COL7A1: variants seen among roughly 807,000 people sequenced by gnomAD.
The protein encoded by COL7A1 is collagen type VII alpha 1 chain, also known as collagen alpha-1(VII) chain.
In COL7A1, 296 loss-of-function variants were observed where a neutral mutation model predicts 456.2. The ratio of observed to expected loss-of-function variants is 0.65; its 90% CI spans 0.59 to 0.71. COL7A1 has a LOEUF of 0.71. Ranked by LOEUF, COL7A1 falls within the 30% of genes least tolerant of loss-of-function variation. The pLI is 0.00. For missense variants in COL7A1, 3,441 were observed against 4,017.2 expected, an observed-to-expected ratio of 0.86 and a Z score of 3.88; for synonymous variants, 1,464 against 1,525.9, an observed-to-expected ratio of 0.96 and a Z score of 0.95.
Position 48,593,475 on chromosome 3 carries a change from A to G in COL7A1, c.427-26T>C. ...CTGGGACAGGTGCAGGGGTCAAATC[A>G]CGGTTCCCCTGGACACTTCATTTGG... is the stretch of plus-strand genomic sequence containing the variant. On this transcript the variant is annotated intron_variant, in intron 4 of 118. Transcript: ENST00000681320. This position sits in a 1 kb window ranked among gnomAD's most constrained non-coding sequence, Gnocchi z 4.4. 6.2e-7 allele frequency: 1 copy of G among 1,614,050 alleles called. No homozygotes were observed. Among genetic ancestry groups the G allele is most frequent in the African/African-American group, 1.3e-5 (1 of 75,028 alleles).
At position 48,589,367 on chromosome 3, in the gene COL7A1, A is replaced by G; in HGVS notation, c.2274T>C (p.Ala758=). ...EYTVHVRAHV[A]GVDGPPASVV... is the part of the protein sequence containing the mutation. ...CAGAGGCAGGGGGCCCATCCACGCC[A>G]GCCACATGGGCCCTCACATGCACCG... Residue 758 remains alanine (A), a synonymous_variant, in exon 18 of 119, where the codon GCT becomes GCC. Transcript: ENST00000681320. 6.2e-7 allele frequency: 1 copy of G among 1,612,842 alleles called. No homozygotes were observed. Among genetic ancestry groups the G allele is most frequent in the Non-Finnish European group, 8.5e-7 (1 of 1,179,970 alleles).
chr3:48,593,316 C>T lies in COL7A1; in HGVS notation c.520+40G>A. 1 of 1,614,010 alleles carries T rather than the reference C, an allele frequency of 6.2e-7. No individual in the cohort carries two copies. The highest frequency in any genetic ancestry group is 8.5e-7 in the Non-Finnish European group (1 of 1,179,984). ...TCACCCACATGCTCTCTGACTGCCC[C>T]CACCCCCCAGCTGACCTGTCACTCC... On this transcript the variant is annotated intron_variant, in intron 5 of 118. Transcript: ENST00000681320. This position sits in a 1 kb window ranked among gnomAD's most constrained non-coding sequence, Gnocchi z 4.4.
In COL7A1 at chr3:48,583,056, A is replaced by G. The variant is rs2107723219; in HGVS notation, c.4483-8T>C. 6.2e-7 allele frequency: 1 copy of G among 1,613,922 alleles called. No homozygotes were observed. Among genetic ancestry groups the G allele is most frequent in the Non-Finnish European group, 8.5e-7 (1 of 1,179,964 alleles). On this transcript the variant is annotated splice_region_variant and splice_polypyrimidine_tract_variant and intron_variant, in intron 43 of 118. Coordinates refer to ENST00000681320, the MANE Select transcript of COL7A1 (RefSeq NM_000094.4). This position sits in a 1 kb window ranked among gnomAD's most constrained non-coding sequence, Gnocchi z 5.1. ...TGGGGGTCCACGTTCGCCCTGATGG[A>G]AAAGAAGAGGTCAGAGCTGAGTTGG...
Position 48,571,910 on chromosome 3 carries a change from T to C in COL7A1, c.7068+91A>G, listed in dbSNP as rs1365775404. The C allele has an allele frequency of 6.8e-7, 1 of 1,478,866 alleles. No homozygotes were observed. 91.6% of individuals were successfully genotyped at this position (1,478,866 alleles called of 1,614,324 possible). On this transcript the variant is annotated intron_variant, in intron 92 of 118. Coordinates refer to ENST00000681320, the MANE Select transcript of COL7A1 (RefSeq NM_000094.4). The surrounding 1 kb of genome is among the most constrained non-coding windows in gnomAD (Gnocchi z 4.6). The stretch of plus-strand genomic sequence containing the variant: ...GGGACATGCAGCCCGACTCAGGGGC[T>C]CAGACATGTGCCCCGGCCCAAGAGT...
rs774757776 is a variant in COL7A1, at chr3:48,564,445, G to C, written c.8819-23C>G. 28 of 1,613,678 alleles carry C rather than the reference G, an allele frequency of 1.7e-5. No homozygotes were observed. Among genetic ancestry groups the C allele is most frequent in the Non-Finnish European group, 2.3e-5 (27 of 1,179,866 alleles). On this transcript the variant is annotated intron_variant, in intron 118 of 118. Transcript: ENST00000681320. This position sits in a 1 kb window ranked among gnomAD's most constrained non-coding sequence, Gnocchi z 6.0. ...TACCTGGTGAGGACAGGTTGGAAACGGTCGTCAGCCATCTGACCTTCCCCG... is the reference window on the plus strand; with the variant it reads ...TACCTGGTGAGGACAGGTTGGAAACCGTCGTCAGCCATCTGACCTTCCCCG...
In COL7A1 at chr3:48,571,203, C is replaced by A. The variant is rs780454893; in HGVS notation, c.7104+40G>T. On this transcript the variant is annotated intron_variant, in intron 93 of 118. Transcript: ENST00000681320. This position sits in a 1 kb window ranked among gnomAD's most constrained non-coding sequence, Gnocchi z 4.6. ...ATCGGATCAAGCTCAGGGAGTCTCA[C>A]GACCAGGACCCCAGCAGGGACCCTT... is the stretch of plus-strand genomic sequence containing the variant. 1.2e-6 allele frequency: 2 copies of A among 1,614,096 alleles called. No homozygotes were observed. The highest frequency in any genetic ancestry group is 1.6e-4 in the Middle Eastern group (1 of 6,062).
At position 48,590,523 on chromosome 3, in the gene COL7A1, C is replaced by T. The variant is rs746802978; in HGVS notation, c.1842G>A (p.Val614=). Residue 614 remains valine (V), a synonymous_variant, in exon 15 of 119, where the codon GTG becomes GTA. Transcript: ENST00000681320. The surrounding 1 kb of genome is among the most constrained non-coding windows in gnomAD (Gnocchi z 4.6). ...LRVVVSDATR[V]RVAWGPVPGA... The stretch of plus-strand genomic sequence containing the variant: ...CAGGGACGGGTCCCCAGGCCACCCT[C>T]ACTCGCGTTGCATCTGACACCACAA... 4 of 1,614,182 alleles carry T rather than the reference C, an allele frequency of 2.5e-6. No homozygotes were observed. The highest frequency in any genetic ancestry group is 4.5e-5 in the East Asian group (2 of 44,884).
At position 48,565,458 on chromosome 3, in the gene COL7A1, GGGA is replaced by G; in HGVS notation, c.8476_8478del (p.Ser2826del). On this transcript the variant is annotated inframe_deletion, in exon 116 of 119. Transcript: ENST00000681320. This position sits in a 1 kb window ranked among gnomAD's most constrained non-coding sequence, Gnocchi z 4.5. Reference sequence around the variant, plus strand: ...CGGAGCACAGGCACAGCATGGAGCTGGGAGCCGGCAGTGTCTGCAGCATAACTA... The same window carrying G: ...CGGAGCACAGGCACAGCATGGAGCTGGCCGGCAGTGTCTGCAGCATAACTA... 1 of 1,613,322 alleles carries G rather than the reference GGGA, an allele frequency of 6.2e-7. No homozygotes were observed.
In COL7A1 at chr3:48,580,240, T is replaced by C. The variant is rs2044645522; in HGVS notation, c.5097+60A>G. 1.6e-5 allele frequency: 25 copies of C among 1,588,776 alleles called. No individual in the cohort carries two copies. The South Asian group carries it at 2.5e-4, about 16-fold the overall frequency. ...CCAGACCCCTTGTGTGAAGGCACAC[T>C]GGCAGCAGCGCCAGGGGACCCTCCA... On this transcript the variant is annotated intron_variant, in intron 56 of 118. Transcript: ENST00000681320. The surrounding 1 kb of genome is among the most constrained non-coding windows in gnomAD (Gnocchi z 4.5).
At chr3:48,589,061 G>T in intron 18 of COL7A1, 66 bp from the exon 19 acceptor site, 1 of 1,608,294 alleles carries the variant, frequency 6.2e-7, no homozygotes, top group Non-Finnish European at 8.5e-7. Flanking sequence ...AATGGTTGAC[G>T]CAGGGGTGAT....
Position 48,584,045 on chromosome 3 carries a change from C to G in COL7A1, c.4214G>C (p.Arg1405Pro). The part of the protein sequence containing the change: ...GTAMKGDKGD[R>P]GERGPPGPGE... ...CTGTCCCTCACTTACCCGCTCCCCA[C>G]GATCGCCTTTGTCACCCTAGAAAAC... Residue 1405 changes from arginine (R) to proline (P), a missense_variant, in exon 38 of 119, where the codon CGT (arginine) becomes CCT (proline). Physicochemically the swap from Arg to Pro is moderately radical, Grantham distance 103. Around this residue, in one of 3 missense-constraint regions of COL7A1, gnomAD observed 2,084 missense variants for 2,501.3 expected, o/e 0.83. Transcript: ENST00000681320. 3.7e-6 allele frequency: 6 copies of G among 1,614,156 alleles called. No homozygotes were observed. Among genetic ancestry groups the G allele is most frequent in the Non-Finnish European group, 5.1e-6 (6 of 1,180,020 alleles).
chr3:48,574,517 G>C lies in COL7A1; in HGVS notation c.6427C>G (p.Pro2143Ala). The stretch of plus-strand genomic sequence containing the variant: ...TTGCCGTCCTGACCCCTCGGTCCAG[G>C]CTCTCCCCGGTCTCCTTTGATGCCT... ...VPGIKGDRGE[P>A]GPRGQDGNPG... Residue 2143 changes from proline (P) to alanine (A), a missense_variant, in exon 79 of 119, where the codon CCT becomes GCT. Physicochemically the swap from Pro to Ala is conservative, Grantham distance 27 (BLOSUM62 -1). Coordinates refer to ENST00000681320, the MANE Select transcript of COL7A1 (RefSeq NM_000094.4). This position sits in a 1 kb window ranked among gnomAD's most constrained non-coding sequence, Gnocchi z 5.0. 6.2e-7 allele frequency: 1 copy of C among 1,614,036 alleles called. No individual in the cohort carries two copies. The highest frequency in any genetic ancestry group is 8.5e-7 in the Non-Finnish European group (1 of 1,180,026).
chr3:48,580,124 C>G lies in COL7A1; in HGVS notation c.5098-67G>C, dbSNP rs1299669208. 1 of 1,597,098 alleles carries G rather than the reference C, an allele frequency of 6.3e-7. No homozygotes were observed. The highest frequency in any genetic ancestry group is 1.3e-5 in the African/African-American group (1 of 74,432). ...CCCAGGCCATGGCTCTGGTTTGCCC[C>G]AGGCTCAACTCTGCCCCCAAGTTCC... On this transcript the variant is annotated intron_variant, in intron 56 of 118. Coordinates refer to ENST00000681320, the MANE Select transcript of COL7A1 (RefSeq NM_000094.4). The surrounding 1 kb of genome is among the most constrained non-coding windows in gnomAD (Gnocchi z 4.5).
Position 48,572,664 on chromosome 3 carries a change from A to G in COL7A1, c.6900+7T>C. The G allele has an allele frequency of 6.2e-7, 1 of 1,604,098 alleles. No individual in the cohort carries two copies. The highest frequency in any genetic ancestry group is 8.5e-7 in the Non-Finnish European group (1 of 1,175,228). Reference sequence around the variant, plus strand: ...TGCAGGGGGTGGAAGTCAGGGTCAAAGATCACCTGTCCAGGGGCCCCCGTG... The same window carrying G: ...TGCAGGGGGTGGAAGTCAGGGTCAAGGATCACCTGTCCAGGGGCCCCCGTG... On this transcript the variant is annotated splice_region_variant and intron_variant, in intron 88 of 118. Coordinates refer to ENST00000681320, the MANE Select transcript of COL7A1 (RefSeq NM_000094.4). The surrounding 1 kb of genome is among the most constrained non-coding windows in gnomAD (Gnocchi z 4.6).
Position 48,573,088 on chromosome 3 carries a change from C to A in COL7A1, c.6715-32G>T. On this transcript the variant is annotated intron_variant, in intron 85 of 118. Coordinates refer to ENST00000681320, the MANE Select transcript of COL7A1 (RefSeq NM_000094.4). This position sits in a 1 kb window ranked among gnomAD's most constrained non-coding sequence, Gnocchi z 5.5. ...GAGAACAAGTCGGATGTCAGGGTGA[C>A]AATGGACACAGGACGACATGAGAGA... 1 of 1,614,102 alleles carries A rather than the reference C, an allele frequency of 6.2e-7. No homozygotes were observed. The highest frequency in any genetic ancestry group is 1.1e-5 in the South Asian group (1 of 91,078).
chr3:48,564,571 G>A lies in COL7A1; in HGVS notation c.8819-149C>T, dbSNP rs2043520958. The A allele has an allele frequency of 9.2e-7, 1 of 1,092,658 alleles. No homozygotes were observed. The highest frequency in any genetic ancestry group is 1.6e-5 in the African/African-American group (1 of 64,038). The allele number at this position is 1,092,658 out of a possible 1,614,324, so 67.7% of individuals were successfully genotyped here. A position where few individuals can be genotyped will look rare whatever the true frequency, so the allele number is the denominator to read the frequency against. On this transcript the variant is annotated intron_variant, in intron 118 of 118. Transcript: ENST00000681320. The surrounding 1 kb of genome is among the most constrained non-coding windows in gnomAD (Gnocchi z 6.0). ...GGGGTCCATACTTAGGTCTTTAAAGGAGGGAACATGGAAGGGGACCCTACT... is the reference window on the plus strand; with the variant it reads ...GGGGTCCATACTTAGGTCTTTAAAGAAGGGAACATGGAAGGGGACCCTACT...
In COL7A1 at chr3:48,574,521, T is replaced by C; in HGVS notation, c.6423A>G (p.Gly2141=). Residue 2141 remains glycine (G), a synonymous_variant, in exon 79 of 119, where the codon GGA becomes GGG. Coordinates refer to ENST00000681320, the MANE Select transcript of COL7A1 (RefSeq NM_000094.4). This position sits in a 1 kb window ranked among gnomAD's most constrained non-coding sequence, Gnocchi z 5.0. ...CGTCCTGACCCCTCGGTCCAGGCTC[T>C]CCCCGGTCTCCTTTGATGCCTGGCA... The part of the protein sequence containing the change: ...RGVPGIKGDR[G]EPGPRGQDGN... 6.2e-7 allele frequency: 1 copy of C among 1,614,000 alleles called. No individual in the cohort carries two copies. The highest frequency in any genetic ancestry group is 8.5e-7 in the Non-Finnish European group (1 of 1,180,000).
chr3:48,580,337 G>C lies in COL7A1; in HGVS notation c.5060C>G (p.Pro1687Arg). ...DPGEDGRNGS[P>R]GSSGPKGDRG... ...GTCACCCTTGGGTCCAGATGATCCA[G>C]GGCTGCCCTGCAGAAAGGCAGGGGT... is the stretch of plus-strand genomic sequence containing the variant. The change falls in exon 56 of 119, where the codon CCT (proline) becomes CGT (arginine). Residue 1687 changes from proline (P) to arginine (R), a missense_variant. Transcript: ENST00000681320. The surrounding 1 kb of genome is among the most constrained non-coding windows in gnomAD (Gnocchi z 4.5). 2.5e-6 allele frequency: 4 copies of C among 1,609,754 alleles called. No individual in the cohort carries two copies. Among genetic ancestry groups the C allele is most frequent in the Non-Finnish European group, 2.5e-6 (3 of 1,177,936 alleles).
At position 48,571,654 on chromosome 3, in the gene COL7A1, CAGGGGCA is replaced by C; in HGVS notation, c.7068+340_7068+346del. The C allele has an allele frequency of 1.5e-6, 1 of 653,474 alleles. No individual in the cohort carries two copies. Among genetic ancestry groups the C allele is most frequent in the Non-Finnish European group, 2.9e-6 (1 of 344,474 alleles). The allele number at this position is 653,474 out of a possible 1,614,324, so 40.5% of individuals were successfully genotyped here. On this transcript the variant is annotated intron_variant, in intron 92 of 118. Coordinates refer to ENST00000681320, the MANE Select transcript of COL7A1 (RefSeq NM_000094.4). The surrounding 1 kb of genome is among the most constrained non-coding windows in gnomAD (Gnocchi z 4.6). The stretch of plus-strand genomic sequence containing the variant: ...TGGCCACAGGCTGAACGCTGGCAGC[CAGGGGCA>C]GGGGAAAGGAGGATTGTAAACACAG...
Sources: allele counts gnomAD v4.1 joint callset, GRCh38; gene constraint gnomAD v4.1.1; regional missense constraint gnomAD v4.1.1; non-coding constraint Gnocchi (gnomAD v3.1); transcripts MANE v1.5; gene names NCBI Gene and HGNC (gene_info 2026-07-23, HGNC 2026-07-21).